FBXL7: variants seen among roughly 807,000 people sequenced by gnomAD.
FBXL7 encodes the protein F-box/LRR-repeat protein 7.
Under a neutral mutation model 38.3 loss-of-function variants are expected in FBXL7, and 12 were observed. The ratio of observed to expected loss-of-function variants is 0.31; its 90% CI spans 0.20 to 0.51. The LOEUF (loss-of-function observed/expected upper bound fraction) is 0.51, where lower values mean the gene tolerates loss of function less well. FBXL7 is among the 20% of genes least tolerant of loss of function. The probability of loss-of-function intolerance (pLI) is 0.98; values close to 1 mark genes in which losing one functional copy is unlikely to be tolerated. For synonymous variants in FBXL7, 297 were observed against 300.9 expected (o/e 0.99, Z 0.13); for missense variants, 567 against 676.4 (o/e 0.84, Z 1.79).
chr5:15,918,112 G>A (rs915368989), intron 2 of FBXL7, among the ~76,000 whole-genome samples: 2 of 152,022 alleles, frequency 1.3e-5, no homozygotes, highest in Admixed American at 6.6e-5. Flanking sequence ...GGTGGTGTGC[G>A]CCTATAATCC....
chr5:15,767,047 A>G (rs1411692439), intron 2 of FBXL7, among the ~76,000 whole-genome samples: 1 of 151,890 alleles, frequency 6.6e-6, no homozygotes, highest in Non-Finnish European at 1.5e-5. Context: ...CAGGATGTGT[A>G]GGTTTGTTTT....
chr5:15,706,196 G>A (rs1051894728), intron 2 of FBXL7, among the ~76,000 whole-genome samples: 11 of 152,196 alleles, frequency 7.2e-5, no homozygotes, highest in Admixed American at 6.5e-4. Flanking sequence ...GGCCTGGGGG[G>A]AGGTGTTTGC....
intron 2 of FBXL7, among the ~76,000 whole-genome samples, chr5:15,725,992 C>T (rs1467556345): frequency 6.6e-6 from 1 of 152,094 alleles, no homozygotes; most frequent in Non-Finnish European, 1.5e-5. Flanking sequence ...TATTGTAGAA[C>T]TGTGTATTTC....
intron 2 of FBXL7, among the ~76,000 whole-genome samples, chr5:15,644,261 C>T (rs1045461576): frequency 2.7e-5 from 4 of 148,502 alleles, no homozygotes; most frequent in Admixed American, 2.0e-4. Flanking sequence ...GCATTCAAGA[C>T]CAGCCTGGCC....
chr5:15,501,743 T>G, intron 1 of FBXL7: 1 of 985,460 alleles, frequency 1.0e-6, no homozygotes, highest in Non-Finnish European at 1.2e-6. Context: ...TCTCCTCGTT[T>G]CTCAGCAGTT....
chr5:15,741,529 G>T (rs892214730), intron 2 of FBXL7, among the ~76,000 whole-genome samples: 2 of 152,128 alleles, frequency 1.3e-5, no homozygotes, highest in Non-Finnish European at 2.9e-5. Flanking sequence ...CATCTTATAG[G>T]AGATTGAAAG....
At chr5:15,573,127 C>T (rs1473069446) in intron 1 of FBXL7, among the ~76,000 whole-genome samples, 3 of 152,164 alleles carry the variant, frequency 2.0e-5, no homozygotes, top group Non-Finnish European at 4.4e-5. Context: ...TTTTTGTTTA[C>T]TGCAGGTGTT....
chr5:15,807,366 A>C, intron 2 of FBXL7, among the ~76,000 whole-genome samples: 1 of 152,144 alleles, frequency 6.6e-6, no homozygotes, highest in Admixed American at 6.5e-5. Context: ...GATCCTCCAC[A>C]TGCCTCTTCT....
intron 1 of FBXL7, among the ~76,000 whole-genome samples, chr5:15,541,988 C>A (rs80309678): frequency 6.6e-6 from 1 of 151,734 alleles, no homozygotes; most frequent in Non-Finnish European, 1.5e-5. Context: ...CCATGTTATA[C>A]ACACTCTTTA....
chr5:15,901,937 A>G (rs974121601), intron 2 of FBXL7, among the ~76,000 whole-genome samples: 2 of 152,220 alleles, frequency 1.3e-5, no homozygotes, highest in African/African-American at 4.8e-5. Context: ...ATCCTTCAAC[A>G]TTTAACTTGC....
intron 2 of FBXL7, among the ~76,000 whole-genome samples, chr5:15,799,180 C>T (rs1392199841): frequency 6.6e-6 from 1 of 152,172 alleles, no homozygotes; most frequent in East Asian, 1.9e-4. Context: ...TGTCCATGCA[C>T]TGTCACAAGT....
At chr5:15,729,353 G>T (rs951934893) in intron 2 of FBXL7, among the ~76,000 whole-genome samples, 1 of 152,186 alleles carries the variant, frequency 6.6e-6, no homozygotes, top group African/African-American at 2.4e-5. Context: ...ATGGGTGGCT[G>T]ACTTCTAATA....
At chr5:15,651,859 G>GT (rs1444473589) in intron 2 of FBXL7, among the ~76,000 whole-genome samples, 1 of 152,178 alleles carries the variant, frequency 6.6e-6, no homozygotes, top group African/African-American at 2.4e-5. Context: ...GCACCTTCTT[G>GT]TAATAAAAGG....
chr5:15,693,049 C>A (rs913874418), intron 2 of FBXL7, among the ~76,000 whole-genome samples: 1 of 152,180 alleles, frequency 6.6e-6, no homozygotes, highest in African/African-American at 2.4e-5. Context: ...GGATTTTACT[C>A]ATTTCTATGA....
chr5:15,670,970 G>A (rs1439225280), intron 2 of FBXL7, among the ~76,000 whole-genome samples: 1 of 152,108 alleles, frequency 6.6e-6, no homozygotes, highest in Non-Finnish European at 1.5e-5. Context: ...GGAGCTAAGT[G>A]AAACATGAGT....
At chr5:15,658,005 G>A (rs947590144) in intron 2 of FBXL7, among the ~76,000 whole-genome samples, 1 of 152,124 alleles carries the variant, frequency 6.6e-6, no homozygotes, top group Admixed American at 6.5e-5. Context: ...CCAAGATTAA[G>A]ATGTACCTTG....
intron 2 of FBXL7, among the ~76,000 whole-genome samples, chr5:15,850,496 C>T (rs1739061827): frequency 6.6e-6 from 1 of 152,166 alleles, no homozygotes; most frequent in African/African-American, 2.4e-5. Flanking sequence ...TAAACTATGA[C>T]TTTATCCATG....
chr5:15,833,042 A>G (rs1212108397), intron 2 of FBXL7, among the ~76,000 whole-genome samples: 2 of 152,152 alleles, frequency 1.3e-5, no homozygotes, highest in African/African-American at 4.8e-5. Flanking sequence ...CATATGAGAC[A>G]TGGCTTTCAC....
chr5:15,522,346 T>G (rs1286184617), intron 1 of FBXL7, among the ~76,000 whole-genome samples: 2 of 152,186 alleles, frequency 1.3e-5, no homozygotes, highest in Non-Finnish European at 2.9e-5. Flanking sequence ...TTCTGGGCAG[T>G]GTGCCCAGTT....
Sources: gnomAD v4.1 joint callset for allele counts (sites outside exome capture counted in the v4.1 genomes callset) on GRCh38, gnomAD v4.1.1 for gene constraint, MANE v1.5 for transcripts, NCBI Gene and HGNC (gene_info 2026-07-23, HGNC 2026-07-21) for gene names.